PTPRS: variants seen among roughly 807,000 people sequenced by gnomAD.
PTPRS encodes protein tyrosine phosphatase receptor type S, also known as receptor-type tyrosine-protein phosphatase S.
PTPRS carries 63 observed loss-of-function variants against 215.3 expected under a neutral mutation model. That is an observed-to-expected ratio of 0.29 (90% CI 0.24 to 0.36). The LOEUF (loss-of-function observed/expected upper bound fraction) is 0.36. Ranked by LOEUF, PTPRS falls within the 10% of genes least tolerant of loss-of-function variation. The pLI is 1.00. For missense variants in PTPRS, 2,258 were observed against 2,825.8 expected (o/e 0.80, Z 4.56); for synonymous variants, 1,404 against 1,191.4 (o/e 1.18, Z -3.68).
chr19:5,300,640 G>A lies in PTPRS; in HGVS notation c.-94-14406C>T, dbSNP rs193119021. On this transcript the variant is annotated intron_variant, in intron 1 of 37. Transcript: ENST00000262963. ...ACCAAAATTAGCCGGGCATGGTGGT[G>A]CATGCCTGTAATCCCAGCTACTTGG... 4.0e-5 allele frequency among the ~76,000 whole-genome samples: 6 copies of A among 151,868 alleles called. No individual in the cohort carries two copies. The East Asian group carries it at 1.2e-3, about 30-fold the overall frequency.
intron 16 of PTPRS, among the ~76,000 whole-genome samples, 192 bp from the exon 17 acceptor site, chr19:5,226,036 C>T (rs1333443508): frequency 1.3e-5 from 2 of 152,124 alleles, no homozygotes; most frequent in African/African-American, 4.8e-5. Flanking sequence ...ACAACCCAGC[C>T]GGACGAGCCC....
chr19:5,239,164 GGAGA>G (rs36138461), intron 12 of PTPRS, 101 bp from the exon 13 acceptor site: 614 of 432,310 alleles, frequency 1.4e-3, no homozygotes, highest in East Asian at 3.4e-3. Flanking sequence ...GGGGGGAGGG[GGAGA>G]GAGAGAGAGA....
At position 5,245,767 on chromosome 19, in the gene PTPRS, C is replaced by T. The variant is rs2044428856; in HGVS notation, c.988+9G>A. The T allele has an allele frequency of 2.5e-6, 4 of 1,575,398 alleles. No homozygotes were observed. The highest frequency in any genetic ancestry group is 2.7e-5 in the African/African-American group (2 of 74,188). On this transcript the variant is annotated intron_variant, in intron 10 of 37. Transcript: ENST00000262963. ...CCCTCCACCTACGAGCCCCATGGGC[C>T]CTGCTCACATTTCACCGTGATCTGA... is the stretch of plus-strand genomic sequence containing the variant.
intron 1 of PTPRS, among the ~76,000 whole-genome samples, chr19:5,335,864 C>A (rs1417587840): frequency 2.0e-5 from 3 of 151,954 alleles, no homozygotes; most frequent in South Asian, 4.1e-4. Flanking sequence ...GTGGAATATC[C>A]CCTCGGCCTC....
intron 9 of PTPRS, among the ~76,000 whole-genome samples, chr19:5,248,822 G>C (rs2044743609): frequency 1.3e-5 from 2 of 152,212 alleles, no homozygotes; most frequent in Admixed American, 1.3e-4. Flanking sequence ...TCCTCCTGGA[G>C]CCTCAGTTTC....
At chr19:5,318,836 G>C (rs1694789155) in intron 1 of PTPRS, among the ~76,000 whole-genome samples, 1 of 152,034 alleles carries the variant, frequency 6.6e-6, no homozygotes, top group South Asian at 2.1e-4. Context: ...TTTTAAAAAA[G>C]TTTTTCCTGG....
At chr19:5,215,646 G>A (rs778387650) in intron 26 of PTPRS, 51 bp from the exon 27 acceptor site, 42 of 1,282,798 alleles carry the variant, frequency 3.3e-5, no homozygotes, top group South Asian at 4.1e-5. Context: ...GGGGCCAGCC[G>A]GGGACTCGGG....
intron 1 of PTPRS, among the ~76,000 whole-genome samples, chr19:5,336,208 G>GT (rs1243458138): frequency 2.3e-4 from 29 of 125,384 alleles, no homozygotes; most frequent in Non-Finnish European, 4.2e-4. Context: ...TGGTACGTCG[G>GT]GTTTTTTTTT....
In PTPRS at chr19:5,244,300, C is replaced by T; in HGVS notation, c.1171G>A (p.Gly391Ser). The T allele has an allele frequency of 1.2e-6, 2 of 1,614,216 alleles. No homozygotes were observed. The highest frequency in any genetic ancestry group is 1.7e-6 in the Non-Finnish European group (2 of 1,180,028). Residue 391 changes from glycine (G) to serine (S), a missense_variant, in exon 11 of 38, where the codon GGC becomes AGC. Gly to Ser is a moderately conservative substitution (Grantham distance 56). This residue lies in a region of PTPRS where 508 missense variants were observed against 799.4 expected (regional missense o/e 0.64). Coordinates refer to ENST00000262963, the MANE Select transcript of PTPRS (RefSeq NM_002850.4). This position sits in a 1 kb window ranked among gnomAD's most constrained non-coding sequence, Gnocchi z 7.2. ...TCGTACTCCGAGTTGGGGCTCAGGC[C>T]GCCGATGCTGTAACGTGTGGTGGTG... is the stretch of plus-strand genomic sequence containing the variant. ...DITTTRYSIG[G>S]LSPNSEYEIW...
rs771667369 is a variant in PTPRS, at chr19:5,208,786, CCCA to C, written c.5488-398_5488-396del. The stretch of plus-strand genomic sequence containing the variant: ...TTCTTGCCACCCAGCTGTTCCTCTC[CCCA>C]CATTTCCTGTATGACATCCAGCACC... On this transcript the variant is annotated intron_variant, in intron 35 of 37. Coordinates refer to ENST00000262963, the MANE Select transcript of PTPRS (RefSeq NM_002850.4). Among the ~76,000 whole-genome samples, 14 of 152,248 alleles carry C rather than the reference CCCA, an allele frequency of 9.2e-5. 1 individual carries two copies. The highest frequency in any genetic ancestry group is 2.6e-4 in the Admixed American group (4 of 15,290).
chr19:5,226,862 C>A (rs1469832779), intron 16 of PTPRS, among the ~76,000 whole-genome samples: 3 of 152,112 alleles, frequency 2.0e-5, no homozygotes, highest in Non-Finnish European at 2.9e-5. Context: ...CTGTGGGTAT[C>A]TGTATGGTTA....
At chr19:5,321,116 C>A (rs959856860) in intron 1 of PTPRS, among the ~76,000 whole-genome samples, 3 of 150,708 alleles carry the variant, frequency 2.0e-5, no homozygotes, top group African/African-American at 7.3e-5. Flanking sequence ...TAAACAACAA[C>A]AAAAAAATTA....
At chr19:5,239,162 GGGGAGA>G (rs1555771189) in intron 12 of PTPRS, 99 bp from the exon 13 acceptor site, 27,469 of 510,610 alleles carry the variant, frequency 0.054, 713 homozygotes, top group Non-Finnish European at 0.062. Context: ...GAGGGGGGAG[GGGGAGA>G]GAGAGAGAGA....
chr19:5,321,547 G>C (rs2050024263), intron 1 of PTPRS, among the ~76,000 whole-genome samples: 1 of 152,174 alleles, frequency 6.6e-6, no homozygotes, highest in Non-Finnish European at 1.5e-5. Context: ...TTTTGTAGAG[G>C]CCTCAGTGCT....
At position 5,274,271 on chromosome 19, in the gene PTPRS, C is replaced by G; in HGVS notation, c.165G>C (p.Gln55His). ...VSGGVASFVC[Q>H]ATGDPKPRVT... is the part of the protein sequence containing the mutation. ...CTCGTGGCTTGGGGTCACCCGTGGC[C>G]TGACACACGAAAGAGGCCACACCCC... is the stretch of plus-strand genomic sequence containing the variant. The change falls in exon 3 of 38, where the codon CAG (glutamine) becomes CAC (histidine). Residue 55 changes from glutamine (Q) to histidine (H), a missense_variant. By Grantham distance (24) the Gln-to-His change is conservative. This residue lies in a region of PTPRS where 508 missense variants were observed against 799.4 expected (regional missense o/e 0.64). Coordinates refer to ENST00000262963, the MANE Select transcript of PTPRS (RefSeq NM_002850.4). 1 of 1,613,854 alleles carries G rather than the reference C, an allele frequency of 6.2e-7. No homozygotes were observed. Among genetic ancestry groups the G allele is most frequent in the East Asian group, 2.2e-5 (1 of 44,868 alleles).
At chr19:5,208,423 G>A (rs369107836) in intron 35 of PTPRS, 32 bp from the exon 36 acceptor site, 6 of 1,503,778 alleles carry the variant, frequency 4.0e-6, no homozygotes, top group Middle Eastern at 1.8e-4. Flanking sequence ...CTTGTTATCA[G>A]GTCAGCAGCG....
chr19:5,255,078 T>C (rs933239861), intron 9 of PTPRS, among the ~76,000 whole-genome samples: 1 of 152,226 alleles, frequency 6.6e-6, no homozygotes, highest in African/African-American at 2.4e-5. Flanking sequence ...TTTGGGCTTA[T>C]TTGGGAGCGC....
chr19:5,242,685 G>A (rs951219078), intron 11 of PTPRS, among the ~76,000 whole-genome samples: 2 of 151,662 alleles, frequency 1.3e-5, no homozygotes, highest in Non-Finnish European at 2.9e-5. Flanking sequence ...AGCCCTCTCC[G>A]ATTTTATTTT....
Position 5,293,637 on chromosome 19 carries a change from C to G in PTPRS, c.-94-7403G>C, listed in dbSNP as rs1353195354. On this transcript the variant is annotated intron_variant, in intron 1 of 37. Coordinates refer to ENST00000262963, the MANE Select transcript of PTPRS (RefSeq NM_002850.4). This position sits in a 1 kb window ranked among gnomAD's most constrained non-coding sequence, Gnocchi z 8.4. ...CGGAGGGCTCCCCAAACACACCCAA[C>G]TACAGGAGGTCGGAGAAGGGGCAGA... Among the ~76,000 whole-genome samples the G allele has an allele frequency of 6.6e-6, 1 of 152,086 alleles. No homozygotes were observed. The highest frequency in any genetic ancestry group is 1.5e-5 in the Non-Finnish European group (1 of 67,994).
Sources: gnomAD v4.1 joint callset for allele counts (sites outside exome capture counted in the v4.1 genomes callset) on GRCh38, gnomAD v4.1.1 for gene constraint, gnomAD v4.1.1 regional missense constraint, Gnocchi (gnomAD v3.1) non-coding constraint, MANE v1.5 for transcripts, NCBI Gene and HGNC (gene_info 2026-07-23, HGNC 2026-07-21) for gene names.